Variants in ARHGEF1 observed in about 807,000 individuals in gnomAD.
The protein encoded by ARHGEF1 is Rho guanine nucleotide exchange factor 1, also known as 115 kDa guanine nucleotide exchange factor.
A neutral mutation model predicts 119.7 loss-of-function variants in ARHGEF1; 40 were observed. The ratio of observed to expected loss-of-function variants is 0.33; its 90% CI spans 0.26 to 0.44. ARHGEF1 has a LOEUF of 0.44. Ranked by LOEUF, ARHGEF1 falls within the 20% of genes least tolerant of loss-of-function variation. ARHGEF1 has a pLI of 1.00. For missense variants in ARHGEF1, 976 were observed against 1,268.3 expected, an observed-to-expected ratio of 0.77 and a Z score of 3.50; for synonymous variants, 494 against 521.0, an observed-to-expected ratio of 0.95 and a Z score of 0.71.
At chr19:41,918,963 CCA>C (rs1263719316), upstream of ARHGEF1, among the ~76,000 whole-genome samples, 7 of 150,026 alleles carry the variant, frequency 4.7e-5, no homozygotes, top group East Asian at 1.4e-3. Flanking sequence ...CACATGCACA[CCA>C]CACACCACAC....
At position 41,883,607 on chromosome 19, in the gene ARHGEF1, C is replaced by G. The variant is rs947885723; in HGVS notation, c.-20+318C>G. Reference sequence around the variant, plus strand: ...GGAAACCGAGGCCCGGGGAGCCAAACCGACTCGTCCCAGGGAACGCACATC... The same window carrying G: ...GGAAACCGAGGCCCGGGGAGCCAAAGCGACTCGTCCCAGGGAACGCACATC... On this transcript the variant is annotated intron_variant, in intron 1 of 28. Coordinates refer to ENST00000354532, the MANE Select transcript of ARHGEF1 (RefSeq NM_004706.4). This position sits in a 1 kb window ranked among gnomAD's most constrained non-coding sequence, Gnocchi z 7.6. Among the ~76,000 whole-genome samples the G allele has an allele frequency of 6.6e-6, 1 of 151,858 alleles. No homozygotes were observed. Among genetic ancestry groups the G allele is most frequent in the East Asian group, 2.0e-4 (1 of 5,112 alleles).
chr19:41,894,234 G>A lies in ARHGEF1; in HGVS notation c.672G>A (p.Leu224=), dbSNP rs200476944. Residue 224 remains leucine, a synonymous_variant, in exon 9 of 29, where the codon CTG becomes CTA. Coordinates refer to ENST00000354532, the MANE Select transcript of ARHGEF1 (RefSeq NM_004706.4). ...CTGCCGTGGTCAACGCCATTGGCCT[G>A]TACATGCGCCACCTTGGGGTGCGGA... is the stretch of plus-strand genomic sequence containing the variant. ...KSAAVVNAIG[L]YMRHLGVRTK... 2.6e-6 allele frequency: 4 copies of A among 1,557,018 alleles called. No homozygotes were observed. In the South Asian group the frequency reaches 4.8e-5, roughly 19 times the overall value.
rs1555849434 is a variant in ARHGEF1 at position 41,903,317 on chromosome 19, A to G, written c.1749A>G (p.Thr583=). 4 of 1,613,964 alleles carry G rather than the reference A, an allele frequency of 2.5e-6. No homozygotes were observed. Among genetic ancestry groups the G allele is most frequent in the Non-Finnish European group, 2.5e-6 (3 of 1,180,006 alleles). ...QSIGQNTEEP[T]EREKVELAAE... Reference sequence around the variant, plus strand: ...CTCCCTTGCCTGCAGAAGAGCCCACAGAACGGGAGAAAGTGGAGCTGGCAG... The same window carrying G: ...CTCCCTTGCCTGCAGAAGAGCCCACGGAACGGGAGAAAGTGGAGCTGGCAG... Residue 583 remains threonine (T), a synonymous_variant, in exon 19 of 29, where the codon ACA becomes ACG. Coordinates refer to ENST00000354532, the MANE Select transcript of ARHGEF1 (RefSeq NM_004706.4). This position sits in a 1 kb window ranked among gnomAD's most constrained non-coding sequence, Gnocchi z 4.2.
chr19:41,904,485 C>A lies in ARHGEF1; in HGVS notation c.2161+102C>A. On this transcript the variant is annotated intron_variant, in intron 22 of 28. Coordinates refer to ENST00000354532, the MANE Select transcript of ARHGEF1 (RefSeq NM_004706.4). This position sits in a 1 kb window ranked among gnomAD's most constrained non-coding sequence, Gnocchi z 8.4. ...ACCCTCTAGAGAGCCAGGGAGCCAG[C>A]ATTCTAGCAAAGAGGTTGAGAAGTA... 1 of 1,356,836 alleles carries A rather than the reference C, an allele frequency of 7.4e-7. No homozygotes were observed. The highest frequency in any genetic ancestry group is 9.8e-7 in the Non-Finnish European group (1 of 1,022,132). 84.0% of individuals were successfully genotyped at this position (1,356,836 alleles called of 1,614,324 possible).
chr19:41,914,977 C>T (rs1424116859), intron 18 of ARHGEF1, among the ~76,000 whole-genome samples: 1 of 96,798 alleles, frequency 1.0e-5, no homozygotes. Context: ...TCCCTCCCTC[C>T]CCCTCCAGCA....
chr19:41,888,120 G>C lies in ARHGEF1; in HGVS notation c.24+14G>C. On this transcript the variant is annotated intron_variant, in intron 2 of 28. Transcript: ENST00000354532. This position sits in a 1 kb window ranked among gnomAD's most constrained non-coding sequence, Gnocchi z 5.1. Reference sequence around the variant, plus strand: ...GCCCGAGGGGCGGTGAGTGGACAGAGCAAGGGGTGAGGCGACTCTGGGGCT... The same window carrying C: ...GCCCGAGGGGCGGTGAGTGGACAGACCAAGGGGTGAGGCGACTCTGGGGCT... 1.2e-6 allele frequency: 2 copies of C among 1,614,018 alleles called. No homozygotes were observed. Among genetic ancestry groups the C allele is most frequent in the Non-Finnish European group, 1.7e-6 (2 of 1,180,016 alleles).
intron 1 of ARHGEF1, chr19:41,884,496 G>C: frequency 6.2e-7 from 1 of 1,607,244 alleles, no homozygotes; most frequent in Non-Finnish European, 8.5e-7. Flanking sequence ...TGGAGCAGGT[G>C]AGGGACGCGG....
At position 41,905,441 on chromosome 19, in the gene ARHGEF1, TATGC is replaced by T. The variant is rs1197262798; in HGVS notation, c.2336+188_2336+191del. 4.8e-6 allele frequency: 3 copies of T among 628,556 alleles called. No homozygotes were observed. The highest frequency in any genetic ancestry group is 8.2e-6 in the Non-Finnish European group (3 of 365,802). The allele number at this position is 628,556 out of a possible 1,614,324, so 38.9% of individuals were successfully genotyped here. A position where few individuals can be genotyped will look rare whatever the true frequency, so the allele number is the denominator to read the frequency against. ...ACTGTGCGTGCATATATAGTGTGTG[TATGC>T]ATGCATGTGTGCGTGTGCATGTGTG... is the stretch of plus-strand genomic sequence containing the variant. On this transcript the variant is annotated intron_variant, in intron 24 of 28. Coordinates refer to ENST00000354532, the MANE Select transcript of ARHGEF1 (RefSeq NM_004706.4). This position sits in a 1 kb window ranked among gnomAD's most constrained non-coding sequence, Gnocchi z 6.4.
At position 41,889,123 on chromosome 19, in the gene ARHGEF1, CAG is replaced by C; in HGVS notation, c.225+263_225+264del. 2.5e-6 allele frequency: 1 copy of C among 395,902 alleles called. No homozygotes were observed. Among genetic ancestry groups the C allele is most frequent in the Non-Finnish European group, 4.6e-6 (1 of 215,460 alleles). The allele number at this position is 395,902 out of a possible 1,614,324, so 24.5% of individuals were successfully genotyped here. Reference sequence around the variant, plus strand: ...CACACGTCAGGACCCCGCGGAGCCACAGAGAGTCCAGCAGCCTGGCAGAAACC... The same window carrying C: ...CACACGTCAGGACCCCGCGGAGCCACAGAGTCCAGCAGCCTGGCAGAAACC... On this transcript the variant is annotated intron_variant, in intron 4 of 28. Coordinates refer to ENST00000354532, the MANE Select transcript of ARHGEF1 (RefSeq NM_004706.4). The surrounding 1 kb of genome is among the most constrained non-coding windows in gnomAD (Gnocchi z 4.0).
At chr19:41,908,252 C>T (rs533002981), downstream of ARHGEF1, 75 of 1,231,712 alleles carry the variant, frequency 6.1e-5, no homozygotes, top group Admixed American at 1.8e-3. This position sits in a 1 kb window ranked among gnomAD's most constrained non-coding sequence, Gnocchi z 6.7. Flanking sequence ...CCCCTTTGCC[C>T]GCCTTTGCCT....
At chr19:41,908,546 CG>C, downstream of ARHGEF1, 1 of 1,231,462 alleles carries the variant, frequency 8.1e-7, no homozygotes, top group Non-Finnish European at 1.0e-6. This position sits in a 1 kb window ranked among gnomAD's most constrained non-coding sequence, Gnocchi z 6.7. Flanking sequence ...GGTAGAAATG[CG>C]GGGGGTAGAG....
intron 1 of ARHGEF1, among the ~76,000 whole-genome samples, chr19:41,925,259 CAGGGGGTTACTGGT>C (rs1445615149): frequency 6.6e-6 from 1 of 151,854 alleles, no homozygotes; most frequent in Non-Finnish European, 1.5e-5. Flanking sequence ...ATGGCAGGTG[CAGGGGGTTACTGGT>C]GTGACCTTGT....
chr19:41,894,439 G>A lies in ARHGEF1; in HGVS notation c.745-12G>A, dbSNP rs781956089. 9 of 1,543,930 alleles carry A rather than the reference G, an allele frequency of 5.8e-6. No homozygotes were observed. The highest frequency in any genetic ancestry group is 4.1e-5 in the African/African-American group (3 of 72,906). ...GATGCTTAGCCTGGTCTTCCTCCCC[G>A]CCCTCTCACAGGTGATGGGGAACCG... is the stretch of plus-strand genomic sequence containing the variant. On this transcript the variant is annotated splice_polypyrimidine_tract_variant and intron_variant, in intron 9 of 28. Coordinates refer to ENST00000354532, the MANE Select transcript of ARHGEF1 (RefSeq NM_004706.4).
chr19:41,895,765 C>G (rs548740339), intron 12 of ARHGEF1, among the ~76,000 whole-genome samples: 16 of 152,298 alleles, frequency 1.1e-4, no homozygotes, highest in Non-Finnish European at 2.2e-4. Context: ...CCTTCCTTTT[C>G]CAGAACCTTC....
In ARHGEF1 at chr19:41,889,804, T is replaced by A. The variant is rs1555845892; in HGVS notation, c.225+939T>A. 6.6e-6 allele frequency: 1 copy of A among 152,264 alleles called. No individual in the cohort carries two copies. Among genetic ancestry groups the A allele is most frequent in the African/African-American group, 2.4e-5 (1 of 41,468 alleles). 9.4% of individuals were successfully genotyped at this position (152,264 alleles called of 1,614,324 possible). On this transcript the variant is annotated intron_variant, in intron 4 of 28. Transcript: ENST00000354532. This position sits in a 1 kb window ranked among gnomAD's most constrained non-coding sequence, Gnocchi z 4.0. ...AGGAAATTGCAGTCTTTCCCCTGTC[T>A]ACATTCTCTTTCCAGAAGAGTGGTT...
At chr19:41,884,803 T>A (rs1456342665) in intron 1 of ARHGEF1, among the ~76,000 whole-genome samples, 2 of 152,136 alleles carry the variant, frequency 1.3e-5, no homozygotes, top group African/African-American at 4.8e-5. Context: ...CACGCACCCC[T>A]ATGGAATTCT....
chr19:41,920,969 CTG>C (rs2074838531), upstream of ARHGEF1, among the ~76,000 whole-genome samples: 1 of 152,246 alleles, frequency 6.6e-6, no homozygotes, highest in Non-Finnish European at 1.5e-5. Context: ...CTCTGCATCT[CTG>C]TCTCTCTCCC....
chr19:41,910,324 T>C (rs2074744851), downstream of ARHGEF1, among the ~76,000 whole-genome samples: 1 of 152,140 alleles, frequency 6.6e-6, no homozygotes, highest in South Asian at 2.1e-4. The surrounding 1 kb of genome is among the most constrained non-coding windows in gnomAD (Gnocchi z 4.4). Context: ...GGTACCAGTC[T>C]GATCCCCTAC....
chr19:41,896,568 T>C lies in ARHGEF1; in HGVS notation c.1121+86T>C, dbSNP rs1373638556. The C allele has an allele frequency of 5.6e-6, 6 of 1,079,704 alleles. No homozygotes were observed. The Admixed American group carries it at 9.9e-5, about 18-fold the overall frequency. 66.9% of individuals were successfully genotyped at this position (1,079,704 alleles called of 1,614,324 possible). A position where few individuals can be genotyped will look rare whatever the true frequency, so the allele number is the denominator to read the frequency against. On this transcript the variant is annotated intron_variant, in intron 13 of 28. Transcript: ENST00000354532. ...CAGGGTCACCGCTGCCATCTGTGCC[T>C]GCCTGTCCCAGGCTCTTGCTCCCCA... is the stretch of plus-strand genomic sequence containing the variant.
Sources: allele counts gnomAD v4.1 joint callset (sites outside exome capture counted in the v4.1 genomes callset), GRCh38; gene constraint gnomAD v4.1.1; non-coding constraint Gnocchi (gnomAD v3.1); transcripts MANE v1.5; gene names NCBI Gene and HGNC (gene_info 2026-07-23, HGNC 2026-07-21).